PRSS1: variants seen among roughly 807,000 people sequenced by gnomAD.
PRSS1 encodes TCR V beta 4.1.
A neutral mutation model predicts 24.2 loss-of-function variants in PRSS1; 22 were observed. The observed-to-expected ratio is 0.91, with a 90% CI of 0.65 to 1.30. The LOEUF is 1.30. Among genes scored for constraint, PRSS1 ranks in the 50% most tolerant of loss-of-function variants. The pLI is 0.00. For synonymous variants in PRSS1, 126 were observed against 116.1 expected, an observed-to-expected ratio of 1.08 and a Z score of -0.55; for missense variants, 366 against 304.2, an observed-to-expected ratio of 1.20 and a Z score of -1.51.
At chr7:142,750,185 A>T (rs1798577027) in intron 1 of PRSS1, among the ~76,000 whole-genome samples, 1 of 152,080 alleles carries the variant, frequency 6.6e-6, no homozygotes, top group Non-Finnish European at 1.5e-5. Flanking sequence ...GAATCCTGAC[A>T]ATCCAGGGCC....
At chr7:142,752,720 G>C in intron 4 of PRSS1, 148 bp from the exon 5 acceptor site, 1 of 1,500,930 alleles carries the variant, frequency 6.7e-7, no homozygotes, top group Non-Finnish European at 9.3e-7. Flanking sequence ...GCTGCATCTT[G>C]TCTGCTTAGG....
At position 142,752,561 on chromosome 7, in the gene PRSS1, A is replaced by G; in HGVS notation, c.585A>G (p.Ser195=). The G allele has an allele frequency of 6.6e-7, 1 of 1,523,730 alleles. No individual in the cohort carries two copies. The highest frequency in any genetic ancestry group is 1.1e-5 in the South Asian group (1 of 89,530). The allele number at this position is 1,523,730 out of a possible 1,614,324, so 94.4% of individuals were successfully genotyped here. A position where few individuals can be genotyped will look rare whatever the true frequency, so the allele number is the denominator to read the frequency against. ...GCTTCCTTGAGGGAGGCAAGGATTC[A>G]TGTCAGGTGATTTGACCAACCCTTC... ...CVGFLEGGKD[S]CQGDSGGPVV... is the part of the protein sequence containing the mutation. The change falls in exon 4 of 5, where the codon TCA becomes TCG. Residue 195 remains serine (S), a synonymous_variant. Transcript: ENST00000311737.
At chr7:142,751,379 G>C (rs1464383722) in intron 2 of PRSS1, 8 of 575,264 alleles carry the variant, frequency 1.4e-5, no homozygotes, top group Non-Finnish European at 2.2e-5. Context: ...TTCTCACCAG[G>C]CCAAGAATGG....
At chr7:142,751,492 G>A (rs1798724918) in intron 2 of PRSS1, 1 of 601,808 alleles carries the variant, frequency 1.7e-6, no homozygotes, top group East Asian at 2.8e-5. Flanking sequence ...TGACTGTGGA[G>A]ATTGTGGGAA....
rs1798730704 is a variant in PRSS1, at chr7:142,751,549, T to C, written c.201-225T>C. The C allele has an allele frequency of 4.0e-6, 3 of 741,708 alleles. No individual in the cohort carries two copies. The South Asian group carries it at 5.6e-5, about 14-fold the overall frequency. The allele number at this position is 741,708 out of a possible 1,614,324, so 45.9% of individuals were successfully genotyped here. ...AGGAGCAGCCTCTGGTGGGATCCCT[T>C]TGACTCTTCCCCACCCCACTACCAC... On this transcript the variant is annotated intron_variant, in intron 2 of 4. Coordinates refer to ENST00000311737, the MANE Select transcript of PRSS1 (RefSeq NM_002769.5).
chr7:142,752,709 G>C, intron 4 of PRSS1, 142 bp downstream of exon 4: 1 of 1,505,786 alleles, frequency 6.6e-7, no homozygotes, highest in South Asian at 1.1e-5. Flanking sequence ...GACTCCCTTG[G>C]GCTGCATCTT....
chr7:142,750,886 C>T (rs370066365), intron 2 of PRSS1, 172 bp downstream of exon 2: 9 of 880,402 alleles, frequency 1.0e-5, no homozygotes, highest in East Asian at 5.4e-5. Context: ...AAGACAGGAA[C>T]CTCTCACACC....
rs202131582 is a variant in PRSS1, at chr7:142,750,744, C to T, written c.200+30C>T. The T allele has an allele frequency of 1.5e-4, 242 of 1,613,756 alleles. No individual in the cohort carries two copies. The African/African-American group carries it at 2.9e-3, about 19-fold the overall frequency. On this transcript the variant is annotated intron_variant, in intron 2 of 4. Transcript: ENST00000311737. ...GTGTGGGGCCCCCGACTGCAAAGCT[C>T]CCGGCCAGTCTGCCTGGGAGAGCTT...
chr7:142,751,918 A>G lies in PRSS1; in HGVS notation c.345A>G (p.Ser115=), dbSNP rs1380298114. 2 of 1,613,878 alleles carry G rather than the reference A, an allele frequency of 1.2e-6. No individual in the cohort carries two copies. Among genetic ancestry groups the G allele is most frequent in the East Asian group, 2.2e-5 (1 of 44,888 alleles). Residue 115 remains serine (S), a synonymous_variant, in exon 3 of 5, where the codon TCA becomes TCG. Transcript: ENST00000311737. ...NNDIMLIKLS[S]RAVINARVST... is the part of the protein sequence containing the mutation. Reference sequence around the variant, plus strand: ...ACATCATGTTAATCAAGCTCTCCTCACGTGCAGTAATCAACGCCCGCGTGT... The same window carrying G: ...ACATCATGTTAATCAAGCTCTCCTCGCGTGCAGTAATCAACGCCCGCGTGT...
chr7:142,751,911 T>A lies in PRSS1; in HGVS notation c.338T>A (p.Leu113His), dbSNP rs1426710453. Residue 113 changes from leucine to histidine, a missense_variant, in exon 3 of 5, where the codon CTC (leucine) becomes CAC (histidine). Transcript: ENST00000311737. ...TLNNDIMLIKLSSRAVINARV... is the reference protein window; with the variant it reads ...TLNNDIMLIKHSSRAVINARV... ...AACAATGACATCATGTTAATCAAGC[T>A]CTCCTCACGTGCAGTAATCAACGCC... The A allele has an allele frequency of 2.0e-5, 33 of 1,613,726 alleles. No homozygotes were observed. Among genetic ancestry groups the A allele is most frequent in the Non-Finnish European group, 2.5e-5 (30 of 1,179,982 alleles).
At chr7:142,751,340 C>T (rs1328419430) in intron 2 of PRSS1, 1 of 591,520 alleles carries the variant, frequency 1.7e-6, no homozygotes, top group Non-Finnish European at 3.0e-6. Flanking sequence ...GCTATGGCTA[C>T]CCTTGGATTA....
Position 142,751,796 on chromosome 7 carries a change from G to A in PRSS1, c.223G>A (p.Glu75Lys), listed in dbSNP as rs779649447. 3 of 1,614,188 alleles carry A rather than the reference G, an allele frequency of 1.9e-6. No homozygotes were observed. The highest frequency in any genetic ancestry group is 1.1e-5 in the South Asian group (1 of 91,082). Residue 75 changes from glutamate to lysine, a missense_variant, in exon 3 of 5, where the codon GAG (glutamate) becomes AAG (lysine). Physicochemically the swap from Glu to Lys is moderately conservative, Grantham distance 56. Transcript: ENST00000311737. ...CAGCCGCATCCAGGTGAGACTGGGA[G>A]AGCACAACATCGAAGTCCTGGAGGG... ...YKSRIQVRLGEHNIEVLEGNE... is the reference protein window; with the variant it reads ...YKSRIQVRLGKHNIEVLEGNE...
chr7:142,752,978 C>A lies in PRSS1; in HGVS notation c.702C>A (p.Asn234Lys), dbSNP rs773353079. Residue 234 changes from asparagine (N) to lysine (K), a missense_variant, in exon 5 of 5, where the codon AAC becomes AAA. Coordinates refer to ENST00000311737, the MANE Select transcript of PRSS1 (RefSeq NM_002769.5). ...CTGGAGTCTACACCAAGGTCTACAA[C>A]TATGTGAAATGGATTAAGAACACCA... is the stretch of plus-strand genomic sequence containing the variant. ...NKPGVYTKVY[N>K]YVKWIKNTIA... The A allele has an allele frequency of 3.1e-6, 5 of 1,613,782 alleles. No individual in the cohort carries two copies. The Admixed American group carries it at 8.3e-5, about 27-fold the overall frequency.
intron 4 of PRSS1, 107 bp downstream of exon 4, chr7:142,752,674 A>G: frequency 6.4e-7 from 1 of 1,567,820 alleles, no homozygotes; most frequent in Non-Finnish European, 8.8e-7. Context: ...GGCTCCCTGC[A>G]GTGCCCACAT....
chr7:142,752,464 C>G lies in PRSS1; in HGVS notation c.488C>G (p.Ala163Gly), dbSNP rs1798827683. Residue 163 changes from alanine to glycine, a missense_variant, in exon 4 of 5, where the codon GCT (alanine) becomes GGT (glycine). Ala to Gly is a moderately conservative substitution (Grantham distance 60, BLOSUM62 0). Transcript: ENST00000311737. ...DYPDELQCLD[A>G]PVLSQAKCEA... ...CCAGACGAGCTGCAGTGCCTGGATGCTCCTGTGCTGAGCCAGGCTAAGTGT... is the reference window on the plus strand; with the variant it reads ...CCAGACGAGCTGCAGTGCCTGGATGGTCCTGTGCTGAGCCAGGCTAAGTGT... The G allele has an allele frequency of 6.2e-7, 1 of 1,614,022 alleles. No homozygotes were observed.
In PRSS1 at chr7:142,752,971, T is replaced by A; in HGVS notation, c.695T>A (p.Val232Asp). 6.2e-7 allele frequency: 1 copy of A among 1,613,700 alleles called. No individual in the cohort carries two copies. Among genetic ancestry groups the A allele is most frequent in the Non-Finnish European group, 8.5e-7 (1 of 1,179,908 alleles). The change falls in exon 5 of 5, where the codon GTC (valine) becomes GAC (aspartate). Residue 232 changes from valine to aspartate, a missense_variant. Val to Asp is a radical substitution (Grantham distance 152, BLOSUM62 -3). Transcript: ENST00000311737. ...QKNKPGVYTK[V>D]YNYVKWIKNT... ...AACAAGCCTGGAGTCTACACCAAGG[T>A]CTACAACTATGTGAAATGGATTAAG... is the stretch of plus-strand genomic sequence containing the variant.
rs745715288 is a variant in PRSS1, at chr7:142,753,062, C to G, written c.*42C>G. ...TCAGTCTCTATACCAATAAAGTGAC[C>G]CTGTTCTCACTGTCTGTGTCTGTGC... On this transcript the variant is annotated 3_prime_UTR_variant, in exon 5 of 5. Coordinates refer to ENST00000311737, the MANE Select transcript of PRSS1 (RefSeq NM_002769.5). 1.9e-6 allele frequency: 3 copies of G among 1,601,360 alleles called. No homozygotes were observed. Among genetic ancestry groups the G allele is most frequent in the African/African-American group, 1.3e-5 (1 of 74,732 alleles).
intron 1 of PRSS1, among the ~76,000 whole-genome samples, chr7:142,750,235 G>C (rs902616953): frequency 3.9e-5 from 6 of 152,194 alleles, no homozygotes; most frequent in African/African-American, 1.2e-4. Context: ...GAATAAAAGA[G>C]AGAAGCACTC....
chr7:142,751,836 T>A lies in PRSS1; in HGVS notation c.263T>A (p.Ile88Asn), dbSNP rs1383806868. ...GTCCTGGAGGGGAATGAGCAGTTCA[T>A]CAATGCAGCCAAGATCATCCGCCAC... ...IEVLEGNEQFINAAKIIRHPQ... is the reference protein window; with the variant it reads ...IEVLEGNEQFNNAAKIIRHPQ... Residue 88 changes from isoleucine to asparagine, a missense_variant, in exon 3 of 5, where the codon ATC becomes AAC. Physicochemically the swap from Ile to Asn is moderately radical, Grantham distance 149. Coordinates refer to ENST00000311737, the MANE Select transcript of PRSS1 (RefSeq NM_002769.5). 21 of 1,613,904 alleles carry A rather than the reference T, an allele frequency of 1.3e-5. No individual in the cohort carries two copies. The highest frequency in any genetic ancestry group is 1.4e-5 in the Non-Finnish European group (16 of 1,180,010).
Sources: allele counts gnomAD v4.1 joint callset (sites outside exome capture counted in the v4.1 genomes callset), GRCh38; gene constraint gnomAD v4.1.1; transcripts MANE v1.5; gene names NCBI Gene and HGNC (gene_info 2026-07-23, HGNC 2026-07-21).